KIAA1217: variants seen among roughly 807,000 people sequenced by gnomAD.
The protein encoded by KIAA1217 is KIAA1217.
A neutral mutation model predicts 163.9 loss-of-function variants in KIAA1217; 88 were observed. That is an observed-to-expected ratio of 0.54 (90% confidence interval 0.45 to 0.64). The LOEUF (loss-of-function observed/expected upper bound fraction) is 0.64. KIAA1217 is among the 30% of genes least tolerant of loss of function. KIAA1217 has a pLI of 0.00. For synonymous variants in KIAA1217, 903 were observed against 923.1 expected, an observed-to-expected ratio of 0.98 and a Z score of 0.39; for missense variants, 2,372 against 2,475.0, an observed-to-expected ratio of 0.96 and a Z score of 0.88.
chr10:24,017,094 C>T (rs973835798), intron 2 of KIAA1217, among the ~76,000 whole-genome samples: 9 of 149,020 alleles, frequency 6.0e-5, no homozygotes, highest in African/African-American at 2.2e-4. Flanking sequence ...CACTCTATCA[C>T]CCAGGCTGGA....
intron 2 of KIAA1217, among the ~76,000 whole-genome samples, chr10:24,060,598 T>C (rs1043228002): frequency 2.0e-5 from 3 of 152,158 alleles, no homozygotes; most frequent in African/African-American, 7.2e-5. Flanking sequence ...AGTTCAATAC[T>C]AGCCTAGGCA....
chr10:24,237,941 A>G (rs2072511466), intron 2 of KIAA1217, among the ~76,000 whole-genome samples: 1 of 152,194 alleles, frequency 6.6e-6, no homozygotes. Flanking sequence ...ATTGGAGGAG[A>G]GGATCCAAAG....
chr10:23,835,464 T>A (rs964463279), intron 1 of KIAA1217, among the ~76,000 whole-genome samples: 2 of 152,134 alleles, frequency 1.3e-5, no homozygotes, highest in Non-Finnish European at 2.9e-5. Context: ...AGCATCTGCA[T>A]TAGTACCTGG....
chr10:24,021,859 C>T (rs933454851), intron 2 of KIAA1217, among the ~76,000 whole-genome samples: 2 of 138,470 alleles, frequency 1.4e-5, no homozygotes, highest in Non-Finnish European at 3.1e-5. Context: ...GAAAGATTAG[C>T]CTTTTCAACA....
chr10:23,723,354 C>A (rs1837966348), intron 1 of KIAA1217, among the ~76,000 whole-genome samples: 1 of 152,000 alleles, frequency 6.6e-6, no homozygotes, highest in Non-Finnish European at 1.5e-5. Flanking sequence ...TATTCCCATT[C>A]CTTCTCTGGT....
At chr10:24,278,717 G>A (rs138182702) in intron 2 of KIAA1217, among the ~76,000 whole-genome samples, 128 of 152,272 alleles carry the variant, frequency 8.4e-4, no homozygotes, top group Middle Eastern at 3.4e-3. Context: ...TACCACTAGC[G>A]TGCTCTACAG....
chr10:24,333,692 G>T (rs1376308006), intron 2 of KIAA1217, among the ~76,000 whole-genome samples: 2 of 152,302 alleles, frequency 1.3e-5, no homozygotes, highest in East Asian at 3.9e-4. Flanking sequence ...AAAGCACGTT[G>T]TTTTAAGCTC....
intron 1 of KIAA1217, among the ~76,000 whole-genome samples, chr10:23,801,657 A>G (rs1416247414): frequency 1.3e-5 from 2 of 152,230 alleles, no homozygotes; most frequent in South Asian, 2.1e-4. Flanking sequence ...ATACCCAGGT[A>G]TCTGAGATTG....
chr10:24,325,306 G>A (rs551048187), intron 2 of KIAA1217, among the ~76,000 whole-genome samples: 1 of 152,208 alleles, frequency 6.6e-6, no homozygotes, highest in African/African-American at 2.4e-5. Flanking sequence ...CAAGCAGGCT[G>A]CAGCAGTTCA....
intron 1 of KIAA1217, among the ~76,000 whole-genome samples, chr10:23,730,833 A>G (rs1838433780): frequency 6.6e-6 from 1 of 152,170 alleles, no homozygotes; most frequent in Admixed American, 6.5e-5. Flanking sequence ...ACTTTTGTAT[A>G]TTAATCTTGT....
chr10:24,176,841 G>A (rs1194047382), intron 2 of KIAA1217, among the ~76,000 whole-genome samples: 2 of 152,192 alleles, frequency 1.3e-5, no homozygotes, highest in African/African-American at 4.8e-5. Context: ...GCTCAGGCAT[G>A]GCGAGCTGCA....
intron 2 of KIAA1217, among the ~76,000 whole-genome samples, chr10:24,045,009 A>G (rs1461808254): frequency 6.6e-6 from 1 of 152,188 alleles, no homozygotes; most frequent in Non-Finnish European, 1.5e-5. Context: ...CACATTCCCA[A>G]TAAGCTTAAG....
At chr10:24,223,176 C>T (rs1244599090) in intron 2 of KIAA1217, among the ~76,000 whole-genome samples, 1 of 152,088 alleles carries the variant, frequency 6.6e-6, no homozygotes, top group African/African-American at 2.4e-5. Context: ...ATGTCTTAAC[C>T]GTCTGGGAAT....
At chr10:23,932,152 G>A (rs1843278630) in intron 1 of KIAA1217, among the ~76,000 whole-genome samples, 1 of 152,118 alleles carries the variant, frequency 6.6e-6, no homozygotes, top group South Asian at 2.1e-4. Flanking sequence ...GTGAGTCCTT[G>A]GTGCAGTCCT....
intron 1 of KIAA1217, among the ~76,000 whole-genome samples, chr10:23,908,546 G>A (rs1417371228): frequency 2.6e-5 from 4 of 151,982 alleles, no homozygotes; most frequent in African/African-American, 7.3e-5. Context: ...CCCTCTCTGG[G>A]TGACTGCCTT....
chr10:23,832,895 C>A (rs571199876), intron 1 of KIAA1217, among the ~76,000 whole-genome samples: 25 of 152,138 alleles, frequency 1.6e-4, no homozygotes, highest in African/African-American at 5.8e-4. Flanking sequence ...AAGAAGAGAG[C>A]TTGTGCAGGA....
In KIAA1217 at chr10:24,543,128, C is replaced by A. The variant is rs767973932; in HGVS notation, c.3858C>A (p.Ile1286=). The A allele has an allele frequency of 6.2e-7, 1 of 1,613,464 alleles. No homozygotes were observed. Among genetic ancestry groups the A allele is most frequent in the Non-Finnish European group, 8.5e-7 (1 of 1,180,000 alleles). ...ATGAAATAAACAAAGGGTCTAAAAT[C>A]TCAGGCCTGCAATACTCTATACCTG... ...LEDEINKGSK[I]SGLQYSIPDT... is the part of the protein sequence containing the mutation. Residue 1286 remains isoleucine, a synonymous_variant, in exon 19 of 21, where the codon ATC becomes ATA. Coordinates refer to ENST00000376454, the MANE Select transcript of KIAA1217 (RefSeq NM_019590.5).
intron 17 of KIAA1217, among the ~76,000 whole-genome samples, chr10:24,541,091 G>A (rs975292517): frequency 2.0e-5 from 3 of 151,406 alleles, no homozygotes; most frequent in African/African-American, 4.8e-5. Flanking sequence ...TTATTTTTGC[G>A]TATATGTGAT....
intron 1 of KIAA1217, among the ~76,000 whole-genome samples, chr10:23,807,470 G>A (rs920488160): frequency 1.3e-5 from 2 of 152,254 alleles, no homozygotes; most frequent in Non-Finnish European, 2.9e-5. Flanking sequence ...AGTGTGGAGT[G>A]GGGGGATTAA....
Sources: allele counts gnomAD v4.1 joint callset (sites outside exome capture counted in the v4.1 genomes callset), GRCh38; gene constraint gnomAD v4.1.1; transcripts MANE v1.5; gene names NCBI Gene and HGNC (gene_info 2026-07-23, HGNC 2026-07-21).